HDAC4: variants seen among roughly 807,000 people sequenced by gnomAD.
HDAC4 encodes the protein histone deacetylase A.
A neutral mutation model predicts 135.1 loss-of-function variants in HDAC4; 16 were observed. That is an observed-to-expected ratio of 0.12 (90% CI 0.08 to 0.18). The LOEUF (loss-of-function observed/expected upper bound fraction) is 0.18. HDAC4 is among the 10% of genes least tolerant of loss of function. The probability of loss-of-function intolerance (pLI) is 1.00; values close to 1 mark genes in which losing one functional copy is unlikely to be tolerated. For missense variants in HDAC4, 1,143 were observed against 1,511.8 expected (o/e 0.76, Z 4.05); for synonymous variants, 685 against 653.4 (o/e 1.05, Z -0.74).
At chr2:239,211,772 C>G (rs1217411028) in intron 3 of HDAC4, among the ~76,000 whole-genome samples, 1 of 152,198 alleles carries the variant, frequency 6.6e-6, no homozygotes, top group Admixed American at 6.5e-5. Flanking sequence ...TCCCCAGAAT[C>G]CAGCATCTTA....
chr2:239,203,417 A>T (rs13390309), intron 3 of HDAC4, among the ~76,000 whole-genome samples: 6,400 of 152,284 alleles, frequency 0.042, 464 homozygotes, highest in African/African-American at 0.15. Context: ...TCTAACTAGA[A>T]GCCAAGAAGG....
intron 2 of HDAC4, among the ~76,000 whole-genome samples, chr2:239,256,141 G>C (rs564579318): frequency 5.9e-5 from 9 of 152,180 alleles, no homozygotes; most frequent in African/African-American, 2.2e-4. Flanking sequence ...TTCCAGCTGC[G>C]TTTCAGAGTT....
intron 8 of HDAC4, among the ~76,000 whole-genome samples, chr2:239,140,526 G>A (rs1027941055): frequency 1.3e-5 from 2 of 152,160 alleles, no homozygotes; most frequent in Non-Finnish European, 1.5e-5. Context: ...ATTCACACAA[G>A]GATTTGTTTG....
chr2:239,118,594 C>T (rs2039353584), intron 12 of HDAC4, among the ~76,000 whole-genome samples: 1 of 152,168 alleles, frequency 6.6e-6, no homozygotes, highest in Admixed American at 6.5e-5. Flanking sequence ...CCGATATTCA[C>T]GGACCTTACC....
chr2:239,288,581 A>G (rs2051278521), intron 2 of HDAC4, among the ~76,000 whole-genome samples: 1 of 152,146 alleles, frequency 6.6e-6, no homozygotes, highest in Admixed American at 6.5e-5. Flanking sequence ...AGAAATTATA[A>G]GATTTTAATA....
At chr2:239,059,658 T>A (rs1214441443) in intron 24 of HDAC4, among the ~76,000 whole-genome samples, 4 of 152,222 alleles carry the variant, frequency 2.6e-5, no homozygotes, top group Admixed American at 2.6e-4. Flanking sequence ...ATCTGTAATT[T>A]AAAATTTTCA....
chr2:239,357,232 T>C (rs1012000449), intron 1 of HDAC4, among the ~76,000 whole-genome samples: 8 of 152,174 alleles, frequency 5.3e-5, no homozygotes, highest in Non-Finnish European at 8.8e-5. Context: ...ACAAAGATAT[T>C]TGAAAATCCT....
chr2:239,122,688 G>C (rs915286600), intron 12 of HDAC4, among the ~76,000 whole-genome samples: 1 of 152,248 alleles, frequency 6.6e-6, no homozygotes, highest in Non-Finnish European at 1.5e-5. Flanking sequence ...GCAGGCTGCA[G>C]GCCTCGGGAA....
At chr2:239,116,842 A>G (rs1024788653) in intron 12 of HDAC4, among the ~76,000 whole-genome samples, 1 of 152,006 alleles carries the variant, frequency 6.6e-6, no homozygotes, top group Non-Finnish European at 1.5e-5. Flanking sequence ...GCCTCCAGCC[A>G]CTCCAAGAGG....
chr2:239,302,544 T>C lies in HDAC4; in HGVS notation c.22+50134A>G, dbSNP rs905520740. On this transcript the variant is annotated intron_variant, in intron 2 of 26. Transcript: ENST00000543185. ...AGGAAGGAGAATCCACGTGGGGCCA[T>C]GACCAAGCACTCCAAACACTGCAGC... Among the ~76,000 whole-genome samples the C allele has an allele frequency of 1.1e-4, 17 of 152,316 alleles. No individual in the cohort carries two copies. The East Asian group carries it at 3.1e-3, about 28-fold the overall frequency.
At chr2:239,061,159 GCATT>G (rs1182798390) in intron 24 of HDAC4, among the ~76,000 whole-genome samples, 3 of 152,300 alleles carry the variant, frequency 2.0e-5, no homozygotes, top group African/African-American at 4.8e-5. Flanking sequence ...GTGTGTGTAA[GCATT>G]CATGTGTATG....
At chr2:239,095,219 C>A (rs940495017) in intron 16 of HDAC4, among the ~76,000 whole-genome samples, 163 bp from the exon 17 acceptor site, 7 of 152,194 alleles carry the variant, frequency 4.6e-5, no homozygotes, top group Non-Finnish European at 8.8e-5. Flanking sequence ...GCTGCAGGGT[C>A]AGTGTCTGGC....
At chr2:239,334,298 T>C (rs901840328) in intron 2 of HDAC4, among the ~76,000 whole-genome samples, 1 of 151,932 alleles carries the variant, frequency 6.6e-6, no homozygotes. Flanking sequence ...GGAGGACGGA[T>C]TGCTTGAGGT....
At chr2:239,348,837 A>G (rs770807109) in intron 2 of HDAC4, among the ~76,000 whole-genome samples, 4 of 152,238 alleles carry the variant, frequency 2.6e-5, no homozygotes, top group Non-Finnish European at 4.4e-5. Flanking sequence ...TTAGAGCAAT[A>G]AAATCCCAAC....
rs1398836898 is a variant in HDAC4 at position 239,052,617 on chromosome 2, A to G, written c.*480T>C. 1.2e-5 allele frequency: 2 copies of G among 169,636 alleles called. No homozygotes were observed. Among genetic ancestry groups the G allele is most frequent in the South Asian group, 1.4e-4 (1 of 6,910 alleles). The allele number at this position is 169,636 out of a possible 1,614,324, so 10.5% of individuals were successfully genotyped here. On this transcript the variant is annotated 3_prime_UTR_variant, in exon 27 of 27. Coordinates refer to ENST00000543185, the MANE Select transcript of HDAC4 (RefSeq NM_001378414.1). ...TAGAAAACGTCCTCTTTAAAAAAAA[A>G]TAAGCTACAAGATGAGTCGAGTGGT... is the stretch of plus-strand genomic sequence containing the variant.
At chr2:239,371,246 C>A (rs1694588665) in intron 1 of HDAC4, among the ~76,000 whole-genome samples, 1 of 152,224 alleles carries the variant, frequency 6.6e-6, no homozygotes, top group Non-Finnish European at 1.5e-5. Flanking sequence ...GTGTCACTCA[C>A]ACATGACCTC....
At position 239,147,177 on chromosome 2, in the gene HDAC4, AC is replaced by A. The variant is rs542573497; in HGVS notation, c.734-2464del. On this transcript the variant is annotated intron_variant, in intron 7 of 26. Transcript: ENST00000543185. Reference sequence around the variant, plus strand: ...GGAGAGAAGGGGGATGCTGGAGACCACCCGGGGCACATGAAGTGGCCTTCCT... The same window carrying A: ...GGAGAGAAGGGGGATGCTGGAGACCACCGGGGCACATGAAGTGGCCTTCCT... Among the ~76,000 whole-genome samples the A allele has an allele frequency of 2.1e-3, 315 of 152,260 alleles. 1 individual carries two copies. The highest frequency in any genetic ancestry group is 7.1e-3 in the African/African-American group (295 of 41,556).
At chr2:239,238,591 C>T (rs961722188) in intron 2 of HDAC4, among the ~76,000 whole-genome samples, 1 of 152,170 alleles carries the variant, frequency 6.6e-6, no homozygotes, top group Non-Finnish European at 1.5e-5. Context: ...CAAGAAGCCC[C>T]CAGTGGTGAG....
At position 239,390,016 on chromosome 2, in the gene HDAC4, C is replaced by T. The variant is rs538416496; in HGVS notation, c.-220+10962G>A. ...CAGCCAGTGTATATAACCCTGGGAGCAGCGGGCAGGGCCTGTGTATCCCAT... is the reference window on the plus strand; with the variant it reads ...CAGCCAGTGTATATAACCCTGGGAGTAGCGGGCAGGGCCTGTGTATCCCAT... On this transcript the variant is annotated intron_variant, in intron 1 of 26. Transcript: ENST00000543185. Among the ~76,000 whole-genome samples, 16 of 152,300 alleles carry T rather than the reference C, an allele frequency of 1.1e-4. No individual in the cohort carries two copies. In the East Asian group the frequency reaches 3.1e-3, roughly 29 times the overall value.
Sources: gnomAD v4.1 joint callset for allele counts (sites outside exome capture counted in the v4.1 genomes callset) on GRCh38, gnomAD v4.1.1 for gene constraint, MANE v1.5 for transcripts, NCBI Gene and HGNC (gene_info 2026-07-23, HGNC 2026-07-21) for gene names.